The following TAFA2 variants were observed in gnomAD, a reference collection of about 807,000 sequenced individuals.
TAFA2 encodes the protein chemokine-like protein TAFA-2.
Under a neutral mutation model 18.8 loss-of-function variants are expected in TAFA2, and 7 were observed. The ratio of observed to expected loss-of-function variants is 0.37; its 90% CI spans 0.21 to 0.70. The LOEUF is 0.70. Ranked by LOEUF, TAFA2 falls within the 30% of genes least tolerant of loss-of-function variation. The pLI, the probability that TAFA2 is intolerant of heterozygous loss-of-function variation, is 0.53. For missense variants in TAFA2, 122 were observed against 158.1 expected (o/e 0.77, Z 1.23); for synonymous variants, 60 against 54.2 (o/e 1.11, Z -0.47).
intron 4 of TAFA2, among the ~76,000 whole-genome samples, chr12:61,718,569 A>T (rs960206974): frequency 5.9e-5 from 9 of 152,196 alleles, no homozygotes; most frequent in Non-Finnish European, 1.2e-4. Context: ...ACATTCAAAA[A>T]ATCCTTAAGT....
chr12:61,797,164 C>T (rs537311173), intron 2 of TAFA2, among the ~76,000 whole-genome samples: 3 of 152,080 alleles, frequency 2.0e-5, no homozygotes, highest in South Asian at 2.1e-4. Flanking sequence ...ACAGAGTTTA[C>T]GTAGCATCAC....
intron 2 of TAFA2, among the ~76,000 whole-genome samples, chr12:61,861,999 G>A (rs1195515252): frequency 1.3e-5 from 2 of 152,088 alleles, no homozygotes; most frequent in African/African-American, 2.4e-5. Flanking sequence ...TAACTCACCT[G>A]TGTGTATCTT....
chr12:62,105,208 A>G (rs1869394278), intron 1 of TAFA2, among the ~76,000 whole-genome samples: 1 of 152,202 alleles, frequency 6.6e-6, no homozygotes, highest in Non-Finnish European at 1.5e-5. Flanking sequence ...AGAGAAAATC[A>G]AAAACAAAAA....
intron 2 of TAFA2, among the ~76,000 whole-genome samples, chr12:61,814,951 A>G (rs545368006): frequency 6.6e-6 from 1 of 151,664 alleles, no homozygotes; most frequent in African/African-American, 2.4e-5. Flanking sequence ...CCCTGCTAAC[A>G]TCTTGATTGC....
intron 3 of TAFA2, 55 bp downstream of exon 3, chr12:61,754,817 A>T: frequency 6.3e-7 from 1 of 1,581,504 alleles, no homozygotes; most frequent in Non-Finnish European, 8.6e-7. Context: ...GTGGGGTTCT[A>T]GTTCTAAGCC....
chr12:61,730,219 C>T (rs987903049), intron 4 of TAFA2, among the ~76,000 whole-genome samples: 1 of 152,150 alleles, frequency 6.6e-6, no homozygotes, highest in African/African-American at 2.4e-5. Flanking sequence ...AGCAGTGAAG[C>T]TGTCACATGG....
At chr12:61,888,784 A>G (rs778153652) in intron 1 of TAFA2, among the ~76,000 whole-genome samples, 2 of 152,264 alleles carry the variant, frequency 1.3e-5, no homozygotes, top group Non-Finnish European at 2.9e-5. Flanking sequence ...GTGGACTGAC[A>G]TGTGGTAATT....
chr12:61,960,214 G>T (rs1024169799), intron 1 of TAFA2, among the ~76,000 whole-genome samples: 2 of 150,658 alleles, frequency 1.3e-5, no homozygotes, highest in African/African-American at 2.4e-5. Context: ...AAATCTATAT[G>T]CTGTTTTATA....
intron 2 of TAFA2, among the ~76,000 whole-genome samples, chr12:61,849,541 C>T (rs1376110992): frequency 6.6e-6 from 1 of 152,138 alleles, no homozygotes; most frequent in East Asian, 1.9e-4. Context: ...AAGTACATAA[C>T]TTTCTATTAC....
intron 1 of TAFA2, chr12:62,140,296 A>T (rs1276964693): frequency 6.6e-6 from 1 of 152,200 alleles, no homozygotes; most frequent in East Asian, 1.9e-4. Context: ...GTTTTGGTAG[A>T]CATTCAAAGA....
chr12:61,756,472 G>A (rs933955102), intron 2 of TAFA2, among the ~76,000 whole-genome samples: 5 of 151,966 alleles, frequency 3.3e-5, no homozygotes, highest in Non-Finnish European at 5.9e-5. Flanking sequence ...CATTATACAC[G>A]TTAATATTCT....
chr12:62,245,990 C>CTT (rs376867882), intron 1 of TAFA2, among the ~76,000 whole-genome samples: 78 of 140,666 alleles, frequency 5.5e-4, no homozygotes, highest in African/African-American at 1.6e-3. Context: ...ATTGTTATTC[C>CTT]TTTTTTTTTT....
chr12:61,870,642 TCACA>T (rs907321004), intron 1 of TAFA2, among the ~76,000 whole-genome samples: 23 of 152,106 alleles, frequency 1.5e-4, no homozygotes, highest in Admixed American at 1.4e-3. Flanking sequence ...CCACACACAC[TCACA>T]GTCTATTTTT....
intron 1 of TAFA2, chr12:61,879,330 G>T: frequency 1.7e-6 from 1 of 588,286 alleles, no homozygotes; most frequent in South Asian, 2.2e-5. Flanking sequence ...GTCCATCAAG[G>T]TGATCCAGAA....
intron 1 of TAFA2, among the ~76,000 whole-genome samples, chr12:61,916,862 G>A (rs1876842088): frequency 6.6e-6 from 1 of 152,086 alleles, no homozygotes; most frequent in Non-Finnish European, 1.5e-5. Context: ...ATTAAGGAAG[G>A]ATATATTTCA....
intron 1 of TAFA2, among the ~76,000 whole-genome samples, chr12:62,215,744 C>CTCTTGCTTAAGAGAAACAACTTGTTTT: frequency 7.3e-6 from 1 of 136,252 alleles, no homozygotes; most frequent in Non-Finnish European, 1.6e-5. Context: ...CAACTTGTTT[C>CTCTTGCTTAAGAGAAACAACTTGTTTT]TCAAAAAAAA....
At chr12:61,714,151 A>T (rs1262032443) in intron 4 of TAFA2, among the ~76,000 whole-genome samples, 1 of 152,160 alleles carries the variant, frequency 6.6e-6, no homozygotes, top group East Asian at 1.9e-4. Flanking sequence ...TTCTGAGGGC[A>T]ATAGATATAA....
chr12:61,779,035 C>T (rs1348927248), intron 2 of TAFA2, among the ~76,000 whole-genome samples: 1 of 151,826 alleles, frequency 6.6e-6, no homozygotes, highest in Non-Finnish European at 1.5e-5. Context: ...AAGGTCACCA[C>T]CAAATCTCTG....
intron 4 of TAFA2, among the ~76,000 whole-genome samples, chr12:61,753,308 T>A (rs1281383695): frequency 6.6e-6 from 1 of 151,990 alleles, no homozygotes; most frequent in East Asian, 1.9e-4. Context: ...AGGATTGGGG[T>A]CACCCTCCCA....
Sources: gnomAD v4.1 joint callset for allele counts (sites outside exome capture counted in the v4.1 genomes callset) on GRCh38, gnomAD v4.1.1 for gene constraint, MANE v1.5 for transcripts, NCBI Gene and HGNC (gene_info 2026-07-23, HGNC 2026-07-21) for gene names.